The following CNTLN variants were observed in gnomAD, a reference collection of about 807,000 sequenced individuals.
CNTLN encodes centlein, centrosomal protein.
A neutral mutation model predicts 180.0 loss-of-function variants in CNTLN; 212 were observed. The observed-to-expected ratio is 1.18, with a 90% CI of 1.05 to 1.32. CNTLN has a LOEUF of 1.32. CNTLN is among the 40% of genes most tolerant of loss of function. CNTLN has a pLI of 0.00. For missense variants in CNTLN, 2,095 were observed against 1,610.9 expected (o/e 1.30, Z -5.14); for synonymous variants, 722 against 563.1 (o/e 1.28, Z -3.99).
chr9:17,329,725 C>T (rs188355171), intron 8 of CNTLN, among the ~76,000 whole-genome samples: 2 of 151,062 alleles, frequency 1.3e-5, no homozygotes, highest in Non-Finnish European at 3.0e-5. Flanking sequence ...AAAAGTTAAC[C>T]GTATATATTT....
intron 2 of CNTLN, among the ~76,000 whole-genome samples, chr9:17,179,105 G>A (rs956162261): frequency 2.0e-5 from 3 of 149,556 alleles, no homozygotes; most frequent in East Asian, 1.9e-4. Flanking sequence ...TTAGCCGGGC[G>A]TAGTGGCGGG....
chr9:17,186,481 A>T (rs1246258554), intron 2 of CNTLN, among the ~76,000 whole-genome samples: 1 of 152,200 alleles, frequency 6.6e-6, no homozygotes, highest in African/African-American at 2.4e-5. Flanking sequence ...GTTGTTCAAA[A>T]ATATTTATTG....
At chr9:17,485,271 G>A (rs1250209862) in intron 24 of CNTLN, among the ~76,000 whole-genome samples, 1 of 152,136 alleles carries the variant, frequency 6.6e-6, no homozygotes, top group Non-Finnish European at 1.5e-5. Context: ...TTGGGTGTCT[G>A]TATGAGATCA....
chr9:17,207,569 G>A (rs116362552), intron 2 of CNTLN, among the ~76,000 whole-genome samples: 4,991 of 152,220 alleles, frequency 0.033, 205 homozygotes, highest in African/African-American at 0.098. Flanking sequence ...ACAGTCCCTT[G>A]TGGCTTCCCT....
At chr9:17,449,604 G>A (rs907376299) in intron 18 of CNTLN, among the ~76,000 whole-genome samples, 7 of 151,998 alleles carry the variant, frequency 4.6e-5, no homozygotes, top group African/African-American at 1.7e-4. Flanking sequence ...ATAGACAAAT[G>A]TTTATTTTTC....
At chr9:17,504,280 T>G (rs1416680091), downstream of CNTLN, among the ~76,000 whole-genome samples, 1 of 152,070 alleles carries the variant, frequency 6.6e-6, no homozygotes, top group African/African-American at 2.4e-5. Flanking sequence ...ATTAAAACAT[T>G]ACCATACTAA....
intron 13 of CNTLN, among the ~76,000 whole-genome samples, chr9:17,381,246 TG>T (rs1825230582): frequency 6.6e-6 from 1 of 152,238 alleles, no homozygotes; most frequent in African/African-American, 2.4e-5. Flanking sequence ...TCCACTCCTT[TG>T]ATATGGTAAC....
chr9:17,360,614 G>A (rs958116106), intron 12 of CNTLN, among the ~76,000 whole-genome samples: 1 of 152,202 alleles, frequency 6.6e-6, no homozygotes, highest in Non-Finnish European at 1.5e-5. Flanking sequence ...TTACAAGGAA[G>A]TGCACAGATG....
At chr9:17,430,687 T>C (rs2133978649) in intron 18 of CNTLN, among the ~76,000 whole-genome samples, 1 of 152,250 alleles carries the variant, frequency 6.6e-6, no homozygotes, top group African/African-American at 2.4e-5. Flanking sequence ...ATTAACCAAG[T>C]TCTCTTCACC....
At chr9:17,154,588 A>T (rs748154442) in intron 2 of CNTLN, among the ~76,000 whole-genome samples, 1 of 152,170 alleles carries the variant, frequency 6.6e-6, no homozygotes, top group Non-Finnish European at 1.5e-5. Context: ...CCCAACTGGG[A>T]GATATTGACA....
At chr9:17,448,190 C>A in intron 18 of CNTLN, 2 of 200,212 alleles carry the variant, frequency 1.0e-5, no homozygotes, top group South Asian at 1.1e-4. Context: ...AAGGTAACAT[C>A]TAACCCATTT....
chr9:17,145,648 C>T (rs1463389067), intron 2 of CNTLN, among the ~76,000 whole-genome samples: 2 of 152,148 alleles, frequency 1.3e-5, no homozygotes, highest in Admixed American at 6.6e-5. Flanking sequence ...AGGCTGAGAA[C>T]ATTTTTCCTT....
intron 18 of CNTLN, among the ~76,000 whole-genome samples, chr9:17,450,919 TCTTA>T (rs1057241437): frequency 1.3e-5 from 2 of 152,144 alleles, no homozygotes; most frequent in African/African-American, 4.8e-5. Context: ...AATTTAAAAG[TCTTA>T]CTTTTAAATT....
At chr9:17,492,669 C>A (rs576570303) in intron 25 of CNTLN, among the ~76,000 whole-genome samples, 1 of 152,062 alleles carries the variant, frequency 6.6e-6, no homozygotes, top group East Asian at 1.9e-4. Flanking sequence ...TTGTGGAAAA[C>A]GCTATGGCAG....
At chr9:17,483,851 C>T (rs891558235) in intron 23 of CNTLN, among the ~76,000 whole-genome samples, 10 of 152,182 alleles carry the variant, frequency 6.6e-5, no homozygotes, top group African/African-American at 2.4e-4. Context: ...AAAATAGAAA[C>T]AGTTCTTTCT....
At chr9:17,492,390 A>G (rs1190551999) in intron 25 of CNTLN, among the ~76,000 whole-genome samples, 1 of 152,088 alleles carries the variant, frequency 6.6e-6, no homozygotes, top group East Asian at 1.9e-4. Flanking sequence ...TTAAGTCTCA[A>G]CCAAATATAA....
chr9:17,359,878 C>A (rs1823217774), intron 12 of CNTLN, among the ~76,000 whole-genome samples: 1 of 151,050 alleles, frequency 6.6e-6, no homozygotes, highest in Admixed American at 6.6e-5. Flanking sequence ...CCAGCCTGGG[C>A]AACAGAGTGA....
chr9:17,332,344 T>C (rs1030776560), intron 9 of CNTLN, among the ~76,000 whole-genome samples: 1 of 152,080 alleles, frequency 6.6e-6, no homozygotes, highest in Admixed American at 6.6e-5. Flanking sequence ...TATAACCCTT[T>C]AGTCTTCCCT....
chr9:17,154,211 G>A (rs1470434438), intron 2 of CNTLN, among the ~76,000 whole-genome samples: 1 of 152,236 alleles, frequency 6.6e-6, no homozygotes, highest in African/African-American at 2.4e-5. Flanking sequence ...GCGAGGAGTT[G>A]TCATCCTTTG....
Sources: gnomAD v4.1 joint callset for allele counts (sites outside exome capture counted in the v4.1 genomes callset) on GRCh38, gnomAD v4.1.1 for gene constraint, MANE v1.5 for transcripts, NCBI Gene and HGNC (gene_info 2026-07-23, HGNC 2026-07-21) for gene names.